SLC9A9: variants seen among roughly 807,000 people sequenced by gnomAD.
SLC9A9 encodes the protein solute carrier family 9 member A9, also known as sodium/hydrogen exchanger 9.
SLC9A9 carries 62 observed loss-of-function variants against 77.8 expected under a neutral mutation model. That is an observed-to-expected ratio of 0.80 (90% CI 0.65 to 0.98). The LOEUF is 0.98. Ranked by LOEUF, SLC9A9 falls within the 50% of genes least tolerant of loss-of-function variation. The pLI is 0.00. For missense variants in SLC9A9, 775 were observed against 774.9 expected (o/e 1.00, Z 0.00); for synonymous variants, 320 against 283.5 (o/e 1.13, Z -1.29).
chr3:143,589,445 T>A (rs1262181298), intron 6 of SLC9A9, among the ~76,000 whole-genome samples: 2 of 152,218 alleles, frequency 1.3e-5, no homozygotes, highest in Non-Finnish European at 2.9e-5. Context: ...GGTATTTTTT[T>A]AATGTCTCTT....
chr3:143,611,399 T>A (rs2038019683), intron 6 of SLC9A9, among the ~76,000 whole-genome samples: 1 of 152,154 alleles, frequency 6.6e-6, no homozygotes, highest in Non-Finnish European at 1.5e-5. Flanking sequence ...CATTACAAGA[T>A]ATGAATTTCT....
chr3:143,435,413 C>T (rs1216201659), intron 12 of SLC9A9, among the ~76,000 whole-genome samples: 1 of 152,144 alleles, frequency 6.6e-6, no homozygotes, highest in Non-Finnish European at 1.5e-5. Context: ...TCAAAGTAAA[C>T]AAGCTTTAAA....
At chr3:143,433,101 C>G (rs1168968719) in intron 12 of SLC9A9, among the ~76,000 whole-genome samples, 2 of 152,170 alleles carry the variant, frequency 1.3e-5, no homozygotes, top group African/African-American at 4.8e-5. Context: ...TTAGATATAT[C>G]TTTTTGGCCA....
chr3:143,513,443 A>G (rs1559947504), intron 9 of SLC9A9, among the ~76,000 whole-genome samples: 2 of 152,176 alleles, frequency 1.3e-5, no homozygotes, highest in Non-Finnish European at 2.9e-5. Context: ...TATTCCTACC[A>G]CATTCGAAGT....
chr3:143,634,341 T>C (rs2038478523), intron 6 of SLC9A9, among the ~76,000 whole-genome samples: 1 of 152,192 alleles, frequency 6.6e-6, no homozygotes, highest in South Asian at 2.1e-4. Flanking sequence ...CAACTATCTG[T>C]CATTCATTTC....
At chr3:143,466,077 C>T (rs1159265627) in intron 12 of SLC9A9, among the ~76,000 whole-genome samples, 1 of 152,166 alleles carries the variant, frequency 6.6e-6, no homozygotes, top group African/African-American at 2.4e-5. Context: ...TGTATTCAAT[C>T]CTACTATGTG....
At chr3:143,275,585 A>AGATATCAATTG (rs1000396761) in intron 14 of SLC9A9, among the ~76,000 whole-genome samples, 1 of 152,140 alleles carries the variant, frequency 6.6e-6, no homozygotes, top group African/African-American at 2.4e-5. Flanking sequence ...ATTTCTCTTA[A>AGATATCAATTG]GATATCAATT....
intron 9 of SLC9A9, chr3:143,517,440 C>G (rs2036221421): frequency 6.3e-7 from 1 of 1,593,962 alleles, no homozygotes; most frequent in Admixed American, 1.7e-5. Flanking sequence ...TCCCTCTGGG[C>G]TCTCTCATGC....
chr3:143,542,219 A>G (rs2036701482), intron 9 of SLC9A9, among the ~76,000 whole-genome samples: 1 of 152,242 alleles, frequency 6.6e-6, no homozygotes, highest in South Asian at 2.1e-4. Flanking sequence ...AAGAATCACC[A>G]GCTTAGCTAA....
At chr3:143,567,534 T>A (rs185343729) in intron 8 of SLC9A9, among the ~76,000 whole-genome samples, 31 of 152,298 alleles carry the variant, frequency 2.0e-4, no homozygotes, top group African/African-American at 6.5e-4. Context: ...CAGATTCAGA[T>A]TTCTGGGTAA....
At chr3:143,836,499 T>C (rs1332985200) in intron 1 of SLC9A9, among the ~76,000 whole-genome samples, 3 of 152,166 alleles carry the variant, frequency 2.0e-5, no homozygotes, top group Non-Finnish European at 2.9e-5. Context: ...ATAAGGAACA[T>C]CACACCAAAT....
chr3:143,666,474 G>A (rs1010314834), intron 5 of SLC9A9, among the ~76,000 whole-genome samples: 7 of 152,152 alleles, frequency 4.6e-5, no homozygotes, highest in South Asian at 4.1e-4. Flanking sequence ...AGTGTTGGAC[G>A]TTCTGGCAAA....
At chr3:143,272,390 A>T (rs556313968) in intron 14 of SLC9A9, among the ~76,000 whole-genome samples, 4 of 152,190 alleles carry the variant, frequency 2.6e-5, no homozygotes, top group Non-Finnish European at 4.4e-5. Context: ...CTTATGAAAT[A>T]GTAGTTGAAT....
At chr3:143,561,750 T>C (rs992236874) in intron 8 of SLC9A9, among the ~76,000 whole-genome samples, 1 of 152,116 alleles carries the variant, frequency 6.6e-6, no homozygotes, top group Admixed American at 6.5e-5. Context: ...TCAATACTCT[T>C]AAGTAAACAT....
chr3:143,676,685 C>A (rs1216598952), intron 5 of SLC9A9, among the ~76,000 whole-genome samples: 4 of 151,982 alleles, frequency 2.6e-5, no homozygotes. Flanking sequence ...TGCAGTGAGC[C>A]GAGATCACGC....
At chr3:143,565,494 GTTGT>G (rs888520780) in intron 8 of SLC9A9, among the ~76,000 whole-genome samples, 1 of 152,134 alleles carries the variant, frequency 6.6e-6, no homozygotes, top group Non-Finnish European at 1.5e-5. Flanking sequence ...ATATGTGCAG[GTTGT>G]TTGAATATTG....
intron 6 of SLC9A9, among the ~76,000 whole-genome samples, chr3:143,606,083 C>T (rs975711900): frequency 6.6e-6 from 1 of 152,026 alleles, no homozygotes; most frequent in African/African-American, 2.4e-5. Flanking sequence ...TTCATTCTAA[C>T]ATTGTCTCAC....
rs537072192 is a variant in SLC9A9 at position 143,844,403 on chromosome 3, T to A, written c.175+3745A>T. 3.9e-5 allele frequency among the ~76,000 whole-genome samples: 6 copies of A among 152,320 alleles called. No individual in the cohort carries two copies. In the South Asian group the frequency reaches 1.2e-3, roughly 32 times the overall value. On this transcript the variant is annotated intron_variant, in intron 1 of 15. Coordinates refer to ENST00000316549, the MANE Select transcript of SLC9A9 (RefSeq NM_173653.4). ...CATTTGACACATGTCAAAGGAATAC[T>A]GGCAGAAAAGCAGATGGCAGAATAG...
At chr3:143,797,715 AG>A (rs1254518500) in intron 2 of SLC9A9, among the ~76,000 whole-genome samples, 1 of 152,056 alleles carries the variant, frequency 6.6e-6, no homozygotes, top group Admixed American at 6.6e-5. Context: ...CTGGCTCAAA[AG>A]CTCCCCCACT....
Sources: allele counts gnomAD v4.1 joint callset (sites outside exome capture counted in the v4.1 genomes callset), GRCh38; gene constraint gnomAD v4.1.1; transcripts MANE v1.5; gene names NCBI Gene and HGNC (gene_info 2026-07-23, HGNC 2026-07-21).